CAST: variants seen among roughly 807,000 people sequenced by gnomAD.
CAST encodes MIR583 host.
Under a neutral mutation model 119.6 loss-of-function variants are expected in CAST, and 76 were observed. The observed-to-expected ratio is 0.64, with a 90% CI of 0.53 to 0.77. The LOEUF is 0.77. Among genes scored for constraint, CAST ranks in the 30% least tolerant of loss-of-function variants. The pLI is 0.00. For synonymous variants in CAST, 319 were observed against 331.6 expected (o/e 0.96, Z 0.41); for missense variants, 953 against 946.5 (o/e 1.01, Z -0.09).
chr5:96,526,593 A>G (rs756521479), upstream of CAST, among the ~76,000 whole-genome samples: 19 of 152,178 alleles, frequency 1.2e-4, no homozygotes, highest in Non-Finnish European at 2.4e-4. Context: ...AATATAGTCA[A>G]TATGCCAAAG....
At chr5:96,014,903 G>A in the CAST span, among the ~76,000 whole-genome samples, 2 of 152,070 alleles carry the variant, frequency 1.3e-5, no homozygotes, top group Non-Finnish European at 2.9e-5. Flanking sequence ...CCATCTAGTC[G>A]ACTTTCCAGG....
At chr5:95,985,523 G>A in the CAST span, among the ~76,000 whole-genome samples, 1 of 152,304 alleles carries the variant, frequency 6.6e-6, no homozygotes, top group Non-Finnish European at 1.5e-5. Flanking sequence ...TTGGAAAGAA[G>A]TGAGGAGTTG....
chr5:96,380,115 G>A, the CAST span, among the ~76,000 whole-genome samples: 1 of 152,094 alleles, frequency 6.6e-6, no homozygotes, highest in Non-Finnish European at 1.5e-5. Context: ...ATCTTTTCAG[G>A]GTGTCTGCAA....
rs565493618 is a variant in CAST at position 96,666,062 on chromosome 5, T to C, written c.75+3565T>C. ...TATCTTTGTGGAATCCTTTAAGTAC[T>C]GAAAAGGTTATAAATGATCTAACTT... On this transcript the variant is annotated intron_variant, in intron 1 of 31. Transcript: ENST00000675179. 2.2e-4 allele frequency among the ~76,000 whole-genome samples: 34 copies of C among 152,326 alleles called. No individual in the cohort carries two copies. The South Asian group carries it at 5.8e-3, about 26-fold the overall frequency.
chr5:95,972,607 A>G, the CAST span, among the ~76,000 whole-genome samples: 1 of 152,290 alleles, frequency 6.6e-6, no homozygotes, highest in East Asian at 1.9e-4. Flanking sequence ...TGATTTTTAT[A>G]TAATCTAGAT....
the CAST span, among the ~76,000 whole-genome samples, chr5:96,219,712 G>A: frequency 2.6e-5 from 4 of 151,462 alleles, no homozygotes; most frequent in Non-Finnish European, 5.9e-5. Flanking sequence ...AAAGGAGGGA[G>A]GGAGGAAGGA....
rs756582052 is a variant in CAST at position 96,729,606 on chromosome 5, T to A, written c.436-6T>A. 1 of 1,332,380 alleles carries A rather than the reference T, an allele frequency of 7.5e-7. No individual in the cohort carries two copies. The highest frequency in any genetic ancestry group is 2.3e-5 in the East Asian group (1 of 43,560). 82.5% of individuals were successfully genotyped at this position (1,332,380 alleles called of 1,614,324 possible). A position where few individuals can be genotyped will look rare whatever the true frequency, so the allele number is the denominator to read the frequency against. ...TGTGTGTGGGCACCTGTGTGTGTACTTTCAGCCAAAAAGCCTACCCAAGCA... is the reference window on the plus strand; with the variant it reads ...TGTGTGTGGGCACCTGTGTGTGTACATTCAGCCAAAAAGCCTACCCAAGCA... On this transcript the variant is annotated splice_region_variant and splice_polypyrimidine_tract_variant and intron_variant, in intron 7 of 31. Transcript: ENST00000675179.
At chr5:96,354,861 T>TA in the CAST span, among the ~76,000 whole-genome samples, 1 of 151,470 alleles carries the variant, frequency 6.6e-6, no homozygotes, top group South Asian at 2.1e-4. Context: ...TTTATTTATT[T>TA]TTAATCAAAC....
chr5:96,364,662 T>C, the CAST span, among the ~76,000 whole-genome samples: 1 of 152,230 alleles, frequency 6.6e-6, no homozygotes, highest in Non-Finnish European at 1.5e-5. Flanking sequence ...GTGGGATTGG[T>C]GGTGATATCC....
the CAST span, among the ~76,000 whole-genome samples, chr5:96,067,815 C>T: frequency 6.6e-6 from 1 of 151,824 alleles, no homozygotes; most frequent in Non-Finnish European, 1.5e-5. Context: ...TGCCATTTTG[C>T]ACTGGGAGGG....
intron 1 of CAST, among the ~76,000 whole-genome samples, chr5:96,671,981 A>G (rs894306377): frequency 2.6e-5 from 4 of 152,256 alleles, no homozygotes; most frequent in African/African-American, 9.6e-5. Flanking sequence ...ACTGCTGAAT[A>G]TTGAATAATT....
At chr5:96,083,423 A>C in the CAST span, among the ~76,000 whole-genome samples, 2 of 152,156 alleles carry the variant, frequency 1.3e-5, no homozygotes. Context: ...GTTGTCTTGA[A>C]CCAAAGAGAG....
At chr5:96,296,711 G>A in the CAST span, among the ~76,000 whole-genome samples, 32 of 152,302 alleles carry the variant, frequency 2.1e-4, no homozygotes, top group South Asian at 6.6e-3. Flanking sequence ...CTGACTCCTA[G>A]TTGCTGGTTG....
the CAST span, among the ~76,000 whole-genome samples, chr5:96,358,723 C>A: frequency 6.6e-6 from 1 of 152,132 alleles, no homozygotes; most frequent in Non-Finnish European, 1.5e-5. Flanking sequence ...CATTCTTTTG[C>A]ATTGGCTGAG....
chr5:96,048,532 T>A, the CAST span, among the ~76,000 whole-genome samples: 1 of 152,164 alleles, frequency 6.6e-6, no homozygotes, highest in East Asian at 1.9e-4. Flanking sequence ...ATAATCAACA[T>A]TACCAGTAGC....
the CAST span, chr5:96,410,628 C>T: frequency 1.4e-6 from 1 of 730,540 alleles, no homozygotes; most frequent in South Asian, 1.5e-5. Flanking sequence ...GGATGCCAGC[C>T]TTTCAAGTGA....
intron 24 of CAST, among the ~76,000 whole-genome samples, chr5:96,758,875 C>A (rs980346192): frequency 6.6e-6 from 1 of 152,012 alleles, no homozygotes; most frequent in African/African-American, 2.4e-5. Flanking sequence ...GAGGAGTACG[C>A]CAGGAATGTG....
chr5:96,606,541 A>G (rs2150195229), intron 1 of CAST, among the ~76,000 whole-genome samples: 1 of 152,342 alleles, frequency 6.6e-6, no homozygotes, highest in South Asian at 2.1e-4. Context: ...AAACAGGCCC[A>G]CAAGGCAAAC....
the CAST span, among the ~76,000 whole-genome samples, chr5:96,276,498 A>G: frequency 6.6e-6 from 1 of 152,204 alleles, no homozygotes; most frequent in Non-Finnish European, 1.5e-5. Context: ...CTTACAAAGA[A>G]AAGAACTGAG....
Sources: gnomAD v4.1 joint callset for allele counts (sites outside exome capture counted in the v4.1 genomes callset) on GRCh38, gnomAD v4.1.1 for gene constraint, MANE v1.5 for transcripts, NCBI Gene and HGNC (gene_info 2026-07-23, HGNC 2026-07-21) for gene names.